UNC13C: variants seen among roughly 807,000 people sequenced by gnomAD.
UNC13C encodes the protein unc-13 homolog C, also known as protein unc-13 homolog C.
In UNC13C, 174 loss-of-function variants were observed where a neutral mutation model predicts 245.4. That is an observed-to-expected ratio of 0.71 (90% CI 0.63 to 0.80). The LOEUF is 0.80. Among genes scored for constraint, UNC13C ranks in the 30% least tolerant of loss-of-function variants. The pLI is 0.00. For synonymous variants in UNC13C, 992 were observed against 895.1 expected (o/e 1.11, Z -1.93); for missense variants, 2,829 against 2,602.9 (o/e 1.09, Z -1.89).
At chr15:54,171,254 A>G (rs2033387927) in intron 4 of UNC13C, among the ~76,000 whole-genome samples, 1 of 152,156 alleles carries the variant, frequency 6.6e-6, no homozygotes, top group South Asian at 2.1e-4. Flanking sequence ...GACAAACAGG[A>G]TCAGATCAAC....
chr15:53,963,549 C>G, the UNC13C span, among the ~76,000 whole-genome samples: 3 of 152,142 alleles, frequency 2.0e-5, no homozygotes, highest in Non-Finnish European at 4.4e-5. Flanking sequence ...GGATTTAGCT[C>G]AGTATCAGCC....
At chr15:54,224,937 G>T (rs924813673) in intron 4 of UNC13C, among the ~76,000 whole-genome samples, 14 of 150,694 alleles carry the variant, frequency 9.3e-5, no homozygotes, top group African/African-American at 3.4e-4. Context: ...TTGGCATATA[G>T]TTGCTCATAG....
At chr15:54,590,258 C>T (rs931608653) in intron 30 of UNC13C, among the ~76,000 whole-genome samples, 9 of 152,106 alleles carry the variant, frequency 5.9e-5, no homozygotes, top group Middle Eastern at 3.2e-3. Flanking sequence ...CTTAGTCTTG[C>T]TTTGGCTATG....
downstream of UNC13C, chr15:54,628,649 A>ATCATC (rs1901353927): frequency 6.6e-6 from 1 of 152,582 alleles, no homozygotes; most frequent in Non-Finnish European, 1.5e-5. Flanking sequence ...TTTATGCAAT[A>ATCATC]TCATCTCATT....
chr15:54,586,259 T>A (rs1898486203), intron 30 of UNC13C, among the ~76,000 whole-genome samples: 1 of 152,218 alleles, frequency 6.6e-6, no homozygotes, highest in Non-Finnish European at 1.5e-5. Context: ...AACATATTAG[T>A]CATATATTCC....
chr15:54,410,931 T>G (rs2040404569), intron 18 of UNC13C, among the ~76,000 whole-genome samples: 1 of 152,330 alleles, frequency 6.6e-6, no homozygotes, highest in East Asian at 1.9e-4. Context: ...AACTATAACA[T>G]TTTGCATTCT....
At chr15:54,176,324 G>T (rs2033613505) in intron 4 of UNC13C, among the ~76,000 whole-genome samples, 1 of 152,096 alleles carries the variant, frequency 6.6e-6, no homozygotes, top group African/African-American at 2.4e-5. Context: ...CAATTACAGT[G>T]AAAGTACTGA....
At chr15:54,152,199 A>G (rs2032550181) in intron 4 of UNC13C, among the ~76,000 whole-genome samples, 1 of 152,020 alleles carries the variant, frequency 6.6e-6, no homozygotes. Flanking sequence ...TTCTCACTCC[A>G]GGGTCTAAAT....
intron 1 of UNC13C, among the ~76,000 whole-genome samples, chr15:54,003,610 G>T (rs1215456622): frequency 6.6e-6 from 1 of 152,198 alleles, no homozygotes; most frequent in Non-Finnish European, 1.5e-5. Context: ...GACATGCAAT[G>T]TGTAATAATC....
intron 23 of UNC13C, among the ~76,000 whole-genome samples, chr15:54,510,724 G>A (rs983269167): frequency 2.0e-5 from 3 of 152,066 alleles, no homozygotes; most frequent in Admixed American, 2.0e-4. Flanking sequence ...CATCCCTTGA[G>A]TCCTTTGCAT....
chr15:54,127,792 T>C (rs1026795888), intron 2 of UNC13C, among the ~76,000 whole-genome samples: 4 of 142,566 alleles, frequency 2.8e-5, no homozygotes, highest in African/African-American at 7.7e-5. Flanking sequence ...TTTAATATAA[T>C]ATATAATATT....
intron 30 of UNC13C, among the ~76,000 whole-genome samples, chr15:54,605,929 G>A (rs1196497745): frequency 6.6e-6 from 1 of 152,112 alleles, no homozygotes; most frequent in South Asian, 2.1e-4. Context: ...AAATAAACTA[G>A]AGCCAAGTGT....
chr15:54,309,406 G>C (rs1045967943), intron 13 of UNC13C, among the ~76,000 whole-genome samples: 2 of 151,592 alleles, frequency 1.3e-5, no homozygotes, highest in African/African-American at 4.8e-5. Flanking sequence ...GGATATTAAC[G>C]CTTTATTAAA....
intron 10 of UNC13C, among the ~76,000 whole-genome samples, chr15:54,283,398 GT>G (rs1454275720): frequency 1.3e-5 from 2 of 151,802 alleles, no homozygotes; most frequent in South Asian, 2.1e-4. Context: ...TACATTATAA[GT>G]TTTTTTGTCT....
At chr15:54,100,864 C>G (rs183905816) in intron 2 of UNC13C, among the ~76,000 whole-genome samples, 1 of 152,064 alleles carries the variant, frequency 6.6e-6, no homozygotes, top group African/African-American at 2.4e-5. Context: ...TTGCTCACTC[C>G]TCTTCTCACT....
At chr15:53,905,399 T>TACACACACACACACACACACACAC in the UNC13C span, among the ~76,000 whole-genome samples, 5 of 123,548 alleles carry the variant, frequency 4.0e-5, no homozygotes, top group East Asian at 2.4e-4. Context: ...TATTACTTTA[T>TACACACACACACACACACACACAC]ACACACACAC....
the UNC13C span, among the ~76,000 whole-genome samples, chr15:53,922,794 A>T: frequency 2.0e-5 from 3 of 152,306 alleles, no homozygotes; most frequent in Admixed American, 6.5e-5. Context: ...TCAGTGATTA[A>T]CTGTGATTTT....
chr15:54,455,755 G>T (rs901392420), intron 19 of UNC13C, among the ~76,000 whole-genome samples: 4 of 151,922 alleles, frequency 2.6e-5, no homozygotes, highest in Admixed American at 2.0e-4. Flanking sequence ...GTTCCTTATA[G>T]ATTCTGGATA....
chr15:53,842,649 G>A, the UNC13C span, among the ~76,000 whole-genome samples: 2 of 152,100 alleles, frequency 1.3e-5, no homozygotes, highest in Non-Finnish European at 2.9e-5. Context: ...AGGCATCTTT[G>A]TTATGGTTGG....
Sources: allele counts gnomAD v4.1 joint callset (sites outside exome capture counted in the v4.1 genomes callset), GRCh38; gene constraint gnomAD v4.1.1; transcripts MANE v1.5; gene names NCBI Gene and HGNC (gene_info 2026-07-23, HGNC 2026-07-21).